The following COL25A1 variants were observed in gnomAD, a reference collection of about 807,000 sequenced individuals.
The protein encoded by COL25A1 is collagen alpha-1(XXV) chain.
In COL25A1, 103 loss-of-function variants were observed where a neutral mutation model predicts 128.4. The ratio of observed to expected loss-of-function variants is 0.80; its 90% CI spans 0.68 to 0.94. COL25A1 has a LOEUF of 0.94. Ranked by LOEUF, COL25A1 falls within the 40% of genes least tolerant of loss-of-function variation. The pLI, the probability that COL25A1 is intolerant of heterozygous loss-of-function variation, is 0.00. For missense variants in COL25A1, 745 were observed against 840.0 expected (o/e 0.89, Z 1.40); for synonymous variants, 279 against 277.2 (o/e 1.01, Z -0.06).
intron 13 of COL25A1, among the ~76,000 whole-genome samples, chr4:108,916,645 T>C (rs1302502947): frequency 6.6e-6 from 1 of 152,206 alleles, no homozygotes; most frequent in African/African-American, 2.4e-5. Flanking sequence ...TTTCTAAATG[T>C]TATCTTGAGT....
chr4:109,273,981 G>A (rs981617486), intron 3 of COL25A1, among the ~76,000 whole-genome samples: 5 of 152,152 alleles, frequency 3.3e-5, no homozygotes, highest in African/African-American at 1.2e-4. Context: ...AGGAATACTT[G>A]TTGGAAATCA....
At chr4:108,835,964 C>T (rs1313040227) in intron 31 of COL25A1, among the ~76,000 whole-genome samples, 17 of 137,658 alleles carry the variant, frequency 1.2e-4, no homozygotes, top group African/African-American at 3.8e-4. Context: ...CTCTGCCTCT[C>T]GGGTTTATGC....
intron 8 of COL25A1, among the ~76,000 whole-genome samples, chr4:108,954,045 T>C (rs1325385552): frequency 1.3e-5 from 2 of 152,170 alleles, no homozygotes; most frequent in African/African-American, 4.8e-5. Context: ...ACACTATCTC[T>C]AGCAGGAATA....
At chr4:108,849,704 A>G (rs1735546166) in intron 26 of COL25A1, among the ~76,000 whole-genome samples, 1 of 152,194 alleles carries the variant, frequency 6.6e-6, no homozygotes, top group Non-Finnish European at 1.5e-5. Context: ...ACTTTGTAAA[A>G]ACAGCTCTTC....
intron 24 of COL25A1, among the ~76,000 whole-genome samples, chr4:108,858,178 T>C (rs1390304492): frequency 4.6e-5 from 7 of 152,072 alleles, no homozygotes; most frequent in Admixed American, 2.0e-4. Context: ...TTGGGCTTGA[T>C]AGAACAGACA....
intron 5 of COL25A1, 37 bp from the exon 6 acceptor site, chr4:109,010,412 T>C (rs749802010): frequency 4.7e-6 from 7 of 1,486,560 alleles, no homozygotes; most frequent in Non-Finnish European, 6.4e-6. Flanking sequence ...AATTACAAAA[T>C]TGTATCCTAA....
At chr4:109,246,733 T>G (rs771920446) in intron 3 of COL25A1, among the ~76,000 whole-genome samples, 4 of 152,166 alleles carry the variant, frequency 2.6e-5, no homozygotes, top group Admixed American at 1.3e-4. Flanking sequence ...CTATTCTGTG[T>G]TAAACTTCTT....
chr4:109,269,623 T>A (rs1782056800), intron 3 of COL25A1, among the ~76,000 whole-genome samples: 1 of 151,282 alleles, frequency 6.6e-6, no homozygotes, highest in Non-Finnish European at 1.5e-5. Flanking sequence ...ATGATTGCCA[T>A]TCTAACTGGT....
intron 3 of COL25A1, among the ~76,000 whole-genome samples, chr4:109,223,169 T>C (rs1315645939): frequency 1.3e-5 from 2 of 152,206 alleles, no homozygotes; most frequent in African/African-American, 4.8e-5. Context: ...TTCCTGGCAT[T>C]TAGAGAAATG....
At chr4:109,072,605 C>A (rs1763062206) in intron 3 of COL25A1, among the ~76,000 whole-genome samples, 1 of 152,142 alleles carries the variant, frequency 6.6e-6, no homozygotes, top group Admixed American at 6.5e-5. Flanking sequence ...ACAGTGATTT[C>A]ACCACTTCTG....
At chr4:108,859,284 A>G (rs1285965712) in intron 24 of COL25A1, among the ~76,000 whole-genome samples, 2 of 152,122 alleles carry the variant, frequency 1.3e-5, no homozygotes, top group Non-Finnish European at 2.9e-5. Flanking sequence ...TTTAGTAAAC[A>G]AGAGAGCTGA....
At chr4:108,878,245 T>TA (rs1236934123) in intron 19 of COL25A1, among the ~76,000 whole-genome samples, 1 of 152,020 alleles carries the variant, frequency 6.6e-6, no homozygotes, top group African/African-American at 2.4e-5. Flanking sequence ...TTAACCCCTC[T>TA]AAAAAAACCT....
At chr4:109,191,963 C>A (rs892748243) in intron 3 of COL25A1, among the ~76,000 whole-genome samples, 2 of 152,126 alleles carry the variant, frequency 1.3e-5, no homozygotes, top group Non-Finnish European at 2.9e-5. Context: ...TTAAGTGCAA[C>A]AGGAATAGTG....
chr4:108,919,961 C>T (rs775096954), intron 12 of COL25A1, among the ~76,000 whole-genome samples: 4 of 152,020 alleles, frequency 2.6e-5, no homozygotes, highest in Non-Finnish European at 4.4e-5. Context: ...GGGGTTTCAC[C>T]ATGTTGGTCA....
chr4:109,283,730 C>G (rs933711354), intron 3 of COL25A1, among the ~76,000 whole-genome samples: 1 of 152,176 alleles, frequency 6.6e-6, no homozygotes, highest in Admixed American at 6.5e-5. Context: ...TTCATTTATA[C>G]TAACGTTTCT....
At chr4:108,879,028 G>A (rs1291150727) in intron 19 of COL25A1, among the ~76,000 whole-genome samples, 2 of 152,192 alleles carry the variant, frequency 1.3e-5, no homozygotes, top group East Asian at 3.8e-4. Context: ...AATGTGATCT[G>A]ATGTTTGTGA....
intron 13 of COL25A1, among the ~76,000 whole-genome samples, chr4:108,915,182 T>C (rs1391790375): frequency 6.6e-6 from 1 of 152,164 alleles, no homozygotes; most frequent in Non-Finnish European, 1.5e-5. Context: ...TGAAAGACCA[T>C]TACAAAAATA....
At chr4:108,820,920 C>T (rs1379881209) in intron 35 of COL25A1, among the ~76,000 whole-genome samples, 1 of 152,104 alleles carries the variant, frequency 6.6e-6, no homozygotes, top group East Asian at 1.9e-4. Context: ...GGAAGGAATG[C>T]ACCTCAGCTG....
chr4:109,056,153 A>C (rs1437624575), intron 3 of COL25A1, among the ~76,000 whole-genome samples: 1 of 152,122 alleles, frequency 6.6e-6, no homozygotes, highest in Non-Finnish European at 1.5e-5. Context: ...GTTCAACTGA[A>C]ATTTGGAAAA....
Sources: allele counts gnomAD v4.1 joint callset (sites outside exome capture counted in the v4.1 genomes callset), GRCh38; gene constraint gnomAD v4.1.1; transcripts MANE v1.5; gene names NCBI Gene and HGNC (gene_info 2026-07-23, HGNC 2026-07-21).